TNFRSF1B: variants seen among roughly 807,000 people sequenced by gnomAD.
TNFRSF1B encodes the protein tumor necrosis factor receptor superfamily member 1B.
In TNFRSF1B, 19 loss-of-function variants were observed where a neutral mutation model predicts 44.6. That is an observed-to-expected ratio of 0.43 (90% CI 0.30 to 0.62). The LOEUF is 0.62. Ranked by LOEUF, TNFRSF1B falls within the 20% of genes least tolerant of loss-of-function variation. The pLI is 0.16. For synonymous variants in TNFRSF1B, 252 were observed against 261.1 expected, an observed-to-expected ratio of 0.97 and a Z score of 0.34; for missense variants, 541 against 619.9, an observed-to-expected ratio of 0.87 and a Z score of 1.35.
chr1:12,180,458 A>G lies in TNFRSF1B; in HGVS notation c.79-8338A>G, dbSNP rs1638766386. On this transcript the variant is annotated intron_variant, in intron 1 of 9. Transcript: ENST00000376259. This position sits in a 1 kb window ranked among gnomAD's most constrained non-coding sequence, Gnocchi z 4.3. ...GGCATTGAGGGCCCCCACCTCGGGT[A>G]CTTGCAGGGCCTTGGCCTGGGAACA... Among the ~76,000 whole-genome samples, 2 of 152,162 alleles carry G rather than the reference A, an allele frequency of 1.3e-5. No individual in the cohort carries two copies. The highest frequency in any genetic ancestry group is 6.5e-5 in the Admixed American group (1 of 15,278).
At chr1:12,183,320 G>A (rs542282) in intron 1 of TNFRSF1B, among the ~76,000 whole-genome samples, 1 of 152,056 alleles carries the variant, frequency 6.6e-6, no homozygotes, top group African/African-American at 2.4e-5. Context: ...TCTGGGAGAC[G>A]AGGGGAGGTG....
At chr1:12,201,226 A>C (rs1311821548) in intron 8 of TNFRSF1B, among the ~76,000 whole-genome samples, 5 of 136,960 alleles carry the variant, frequency 3.7e-5, no homozygotes, top group Admixed American at 8.7e-5. Context: ...GTGCCACTCC[A>C]CTCCTGCCTG....
At chr1:12,192,341 C>T in intron 4 of TNFRSF1B, 90 bp from the exon 5 acceptor site, 1 of 1,146,870 alleles carries the variant, frequency 8.7e-7, no homozygotes, top group Non-Finnish European at 1.3e-6. Flanking sequence ...CTCCTTGGGC[C>T]CCTCAGACCT....
chr1:12,188,016 A>G (rs992756850), intron 1 of TNFRSF1B, among the ~76,000 whole-genome samples: 1 of 152,200 alleles, frequency 6.6e-6, no homozygotes, highest in African/African-American at 2.4e-5. Context: ...CGAGCAGCAG[A>G]AACGCTTAGA....
At chr1:12,198,266 G>A (rs928868963) in intron 8 of TNFRSF1B, among the ~76,000 whole-genome samples, 6 of 152,072 alleles carry the variant, frequency 3.9e-5, no homozygotes, top group Admixed American at 2.6e-4. Context: ...TGTGCCCAGC[G>A]TTCTTTATTC....
At chr1:12,183,174 A>G (rs758298829) in intron 1 of TNFRSF1B, among the ~76,000 whole-genome samples, 1 of 152,202 alleles carries the variant, frequency 6.6e-6, no homozygotes, top group Non-Finnish European at 1.5e-5. Context: ...AGGGAGCCCA[A>G]TCTGGAGGAG....
chr1:12,175,521 C>T (rs1390112632), intron 1 of TNFRSF1B, among the ~76,000 whole-genome samples: 3 of 152,086 alleles, frequency 2.0e-5, no homozygotes, highest in Non-Finnish European at 1.5e-5. Flanking sequence ...CCCTGCTGGC[C>T]CCTCCTCTCG....
At chr1:12,183,256 T>C (rs1476195833) in intron 1 of TNFRSF1B, among the ~76,000 whole-genome samples, 1 of 152,156 alleles carries the variant, frequency 6.6e-6, no homozygotes, top group Non-Finnish European at 1.5e-5. Flanking sequence ...GAGCTTCTTA[T>C]CCATAGTCCT....
rs1373454377 is a variant in TNFRSF1B at position 12,199,635 on chromosome 1, C to T, written c.901-2332C>T. ...ATTGGACAGAGAGGACCCTGGTACT[C>T]GCATCTGTTCTCAGACCACATCTGG... On this transcript the variant is annotated intron_variant, in intron 8 of 9. Coordinates refer to ENST00000376259, the MANE Select transcript of TNFRSF1B (RefSeq NM_001066.3). The surrounding 1 kb of genome is among the most constrained non-coding windows in gnomAD (Gnocchi z 4.0). 1.3e-5 allele frequency among the ~76,000 whole-genome samples: 2 copies of T among 152,078 alleles called. No individual in the cohort carries two copies. Among genetic ancestry groups the T allele is most frequent in the African/African-American group, 2.4e-5 (1 of 41,400 alleles).
At chr1:12,185,117 G>A (rs1638952592) in intron 1 of TNFRSF1B, among the ~76,000 whole-genome samples, 1 of 148,914 alleles carries the variant, frequency 6.7e-6, no homozygotes, top group Non-Finnish European at 1.5e-5. Flanking sequence ...CGATGGAATG[G>A]CTTGTGCAGA....
intron 8 of TNFRSF1B, among the ~76,000 whole-genome samples, chr1:12,197,814 C>T (rs897972211): frequency 6.6e-6 from 1 of 152,102 alleles, no homozygotes; most frequent in Non-Finnish European, 1.5e-5. Flanking sequence ...GAGACAGTGG[C>T]GTTCCTTTGT....
chr1:12,173,391 T>C (rs1038079885), intron 1 of TNFRSF1B, among the ~76,000 whole-genome samples: 1 of 152,162 alleles, frequency 6.6e-6, no homozygotes, highest in Non-Finnish European at 1.5e-5. Flanking sequence ...TCACTTGCTT[T>C]GGGTGGATTG....
chr1:12,183,744 T>TAGCTAGCTAG (rs1638896396), intron 1 of TNFRSF1B, among the ~76,000 whole-genome samples: 2 of 103,760 alleles, frequency 1.9e-5, no homozygotes, highest in African/African-American at 6.5e-5. Context: ...TATCTATCTA[T>TAGCTAGCTAG]CTATCTAGCT....
chr1:12,198,296 C>T (rs1053107634), intron 8 of TNFRSF1B, among the ~76,000 whole-genome samples: 6 of 152,258 alleles, frequency 3.9e-5, no homozygotes, highest in South Asian at 2.1e-4. Flanking sequence ...TGCTGCCACA[C>T]GCAGGCAGTA....
rs1236440883 is a variant in TNFRSF1B at position 12,167,077 on chromosome 1, A to AC, written c.-11dup. The AC allele has an allele frequency of 7.7e-7, 1 of 1,304,512 alleles. No homozygotes were observed. Among genetic ancestry groups the AC allele is most frequent in the African/African-American group, 1.5e-5 (1 of 64,696 alleles). The allele number at this position is 1,304,512 out of a possible 1,614,324, so 80.8% of individuals were successfully genotyped here. A position where few individuals can be genotyped will look rare whatever the true frequency, so the allele number is the denominator to read the frequency against. Reference sequence around the variant, plus strand: ...GGGCGCGAGGGCAGGGGGCAACCGGACCCCGCCCGCACCCATGGCGCCCGT... The same window carrying AC: ...GGGCGCGAGGGCAGGGGGCAACCGGACCCCCGCCCGCACCCATGGCGCCCGT... On this transcript the variant is annotated 5_prime_UTR_variant, in exon 1 of 10. Transcript: ENST00000376259.
At chr1:12,189,511 A>C (rs5746009) in intron 2 of TNFRSF1B, among the ~76,000 whole-genome samples, 11,975 of 152,256 alleles carry the variant, frequency 0.079, 480 homozygotes, top group Non-Finnish European at 0.086. Flanking sequence ...GCCCAGCCAC[A>C]GTTGGTGGAG....
Position 12,201,967 on chromosome 1 carries a change from C to T in TNFRSF1B, c.901C>T (p.Pro301Ser). ...PLCLQREAKV[P>S]HLPADKARGT... ...CCCCTACCACCCCCTGCCCATCCAGCCTCACTTGCCTGCCGATAAGGCCCG... is the reference window on the plus strand; with the variant it reads ...CCCCTACCACCCCCTGCCCATCCAGTCTCACTTGCCTGCCGATAAGGCCCG... The change falls in exon 9 of 10, where the codon CCT becomes TCT. Residue 301 changes from proline (P) to serine (S), a missense_variant and splice_region_variant. Pro to Ser is a moderately conservative substitution (Grantham distance 74, BLOSUM62 -1). Transcript: ENST00000376259. The T allele has an allele frequency of 6.2e-7, 1 of 1,607,346 alleles. No individual in the cohort carries two copies. Among genetic ancestry groups the T allele is most frequent in the African/African-American group, 1.3e-5 (1 of 74,946 alleles).
At chr1:12,176,860 G>A (rs1282673858) in intron 1 of TNFRSF1B, among the ~76,000 whole-genome samples, 2 of 152,174 alleles carry the variant, frequency 1.3e-5, no homozygotes, top group South Asian at 2.1e-4. Flanking sequence ...GGAGGAGGAG[G>A]AAGCCTTTGG....
At chr1:12,182,991 A>T (rs1391178797) in intron 1 of TNFRSF1B, among the ~76,000 whole-genome samples, 1 of 152,178 alleles carries the variant, frequency 6.6e-6, no homozygotes, top group Non-Finnish European at 1.5e-5. Context: ...GGTGGCAAGG[A>T]TTGCAGCTCT....
Sources: allele counts gnomAD v4.1 joint callset (sites outside exome capture counted in the v4.1 genomes callset), GRCh38; gene constraint gnomAD v4.1.1; non-coding constraint Gnocchi (gnomAD v3.1); transcripts MANE v1.5; gene names NCBI Gene and HGNC (gene_info 2026-07-23, HGNC 2026-07-21).